KHDC1: variants seen among roughly 807,000 people sequenced by gnomAD.
The protein encoded by KHDC1 is KH domain containing 1.
KHDC1 carries 21 observed loss-of-function variants against 24.7 expected under a neutral mutation model. The observed-to-expected ratio is 0.85, with a 90% CI of 0.60 to 1.23. The LOEUF (loss-of-function observed/expected upper bound fraction) is 1.23. Among genes scored for constraint, KHDC1 ranks in the 50% most tolerant of loss-of-function variants. KHDC1 has a pLI of 0.00. For missense variants in KHDC1, 274 were observed against 298.5 expected, an observed-to-expected ratio of 0.92 and a Z score of 0.61; for synonymous variants, 98 against 111.7, an observed-to-expected ratio of 0.88 and a Z score of 0.77.
At position 73,255,782 on chromosome 6, in the gene KHDC1, A is replaced by C. The variant is rs116920001; in HGVS notation, c.207-13252T>G. Reference sequence around the variant, plus strand: ...CTGGGCACGGTGGCGGGCACCTTTCATCCCAGCTACTCACGAGGCTGAGAC... The same window carrying C: ...CTGGGCACGGTGGCGGGCACCTTTCCTCCCAGCTACTCACGAGGCTGAGAC... On this transcript the variant is annotated intron_variant, in intron 2 of 4. Coordinates refer to ENST00000370384, the Ensembl canonical transcript of KHDC1. Among the ~76,000 whole-genome samples, 11 of 151,420 alleles carry C rather than the reference A, an allele frequency of 7.3e-5. No individual in the cohort carries two copies. In the East Asian group the frequency reaches 2.0e-3, roughly 27 times the overall value.
At chr6:73,264,844 G>A (rs1039433786) in intron 2 of KHDC1, among the ~76,000 whole-genome samples, 16 of 152,228 alleles carry the variant, frequency 1.1e-4, no homozygotes, top group Non-Finnish European at 1.2e-4. Flanking sequence ...TAATGACCTC[G>A]AAGGCCAGTG....
intron 2 of KHDC1, among the ~76,000 whole-genome samples, chr6:73,250,245 T>A (rs180758676): frequency 6.6e-6 from 1 of 152,282 alleles, no homozygotes; most frequent in African/African-American, 2.4e-5. Flanking sequence ...AACATCAATT[T>A]AATTCCAGGT....
intron 1 of KHDC1, chr6:73,292,369 A>T: frequency 1.2e-6 from 1 of 800,724 alleles, no homozygotes; most frequent in Admixed American, 1.7e-5. Context: ...CATATGCAAA[A>T]TTCCAGTATG....
intron 2 of KHDC1, among the ~76,000 whole-genome samples, chr6:73,266,767 C>T (rs571804623): frequency 6.6e-6 from 1 of 152,180 alleles, no homozygotes; most frequent in African/African-American, 2.4e-5. Context: ...TGGATTTCAT[C>T]AAAATTATAA....
chr6:73,308,221 C>T (rs981814350), intron 1 of KHDC1, among the ~76,000 whole-genome samples: 22 of 151,452 alleles, frequency 1.5e-4, no homozygotes, highest in Admixed American at 9.2e-4. Flanking sequence ...ACTACAGGTG[C>T]CTGCCACCAC....
At chr6:73,248,278 C>T (rs1405212743) in intron 2 of KHDC1, among the ~76,000 whole-genome samples, 5 of 152,062 alleles carry the variant, frequency 3.3e-5, no homozygotes, top group Non-Finnish European at 5.9e-5. Flanking sequence ...AGATTGAGAG[C>T]GTGGAGCATC....
intron 1 of KHDC1, among the ~76,000 whole-genome samples, chr6:73,301,632 T>A (rs1004080965): frequency 1.4e-4 from 21 of 152,130 alleles, no homozygotes; most frequent in African/African-American, 3.9e-4. Context: ...TAGGGTTTTT[T>A]AAATTTTTTT....
chr6:73,279,827 C>T (rs1393103562), intron 2 of KHDC1, among the ~76,000 whole-genome samples: 2 of 152,236 alleles, frequency 1.3e-5, no homozygotes, highest in East Asian at 1.9e-4. Flanking sequence ...CCACTCACCT[C>T]GGCCTCCCAA....
intron 2 of KHDC1, among the ~76,000 whole-genome samples, chr6:73,285,479 C>T (rs1767501924): frequency 6.6e-6 from 1 of 151,918 alleles, no homozygotes; most frequent in Admixed American, 6.6e-5. Flanking sequence ...TTACAGGCAC[C>T]TGCCACCATG....
intron 1 of KHDC1, among the ~76,000 whole-genome samples, chr6:73,295,644 G>A (rs1026715153): frequency 1.4e-4 from 21 of 149,284 alleles, no homozygotes; most frequent in Admixed American, 3.3e-4. Context: ...TCAGGAGTTC[G>A]ACACCCGCCT....
intron 2 of KHDC1, among the ~76,000 whole-genome samples, chr6:73,289,087 G>A (rs995075027): frequency 1.3e-4 from 19 of 151,618 alleles, no homozygotes; most frequent in African/African-American, 4.6e-4. Context: ...TAATATCAGC[G>A]CTTTGGGAGG....
At chr6:73,272,095 T>C (rs1014408126) in intron 2 of KHDC1, among the ~76,000 whole-genome samples, 1 of 151,792 alleles carries the variant, frequency 6.6e-6, no homozygotes, top group African/African-American at 2.4e-5. Context: ...ACAATTTGTC[T>C]CTAAAGGTCC....
At chr6:73,276,433 A>ACCAAGATCATG (rs1433541697) in intron 2 of KHDC1, 1 of 151,968 alleles carries the variant, frequency 6.6e-6, no homozygotes, top group African/African-American at 2.4e-5. Context: ...GTTGCAGTGA[A>ACCAAGATCATG]CCAAGATCAT....
chr6:73,243,026 G>A (rs1766602908), intron 2 of KHDC1, among the ~76,000 whole-genome samples: 1 of 152,094 alleles, frequency 6.6e-6, no homozygotes, highest in African/African-American at 2.4e-5. Flanking sequence ...GAATGTTGTA[G>A]GGAGCCAATC....
intron 2 of KHDC1, among the ~76,000 whole-genome samples, chr6:73,272,010 A>G (rs1767188464): frequency 6.6e-6 from 1 of 151,482 alleles, no homozygotes; most frequent in Admixed American, 6.6e-5. Context: ...CCATTTAAAA[A>G]AAAAGGTTAC....
rs571273887 is a variant in KHDC1 at position 73,298,529 on chromosome 6, G to A, written c.164-6489C>T. ...TGGCTCACAGCAACCTCCGCCTCCC[G>A]GGTTCAAGCAATTCTCCTGCCTCAG... On this transcript the variant is annotated intron_variant, in intron 1 of 4. Coordinates refer to ENST00000370384, the Ensembl canonical transcript of KHDC1. Among the ~76,000 whole-genome samples the A allele has an allele frequency of 3.3e-4, 45 of 135,154 alleles. No homozygotes were observed. In the East Asian group the frequency reaches 8.4e-3, roughly 25 times the overall value. The allele number at this position is 135,154 out of a possible 152,430, so 88.7% of individuals were successfully genotyped here. A position where few individuals can be genotyped will look rare whatever the true frequency, so the allele number is the denominator to read the frequency against.
At chr6:73,297,332 CTAAAATATAG>C (rs1226778590) in intron 1 of KHDC1, among the ~76,000 whole-genome samples, 1 of 152,090 alleles carries the variant, frequency 6.6e-6, no homozygotes, top group Non-Finnish European at 1.5e-5. Context: ...TTTTCTCCCA[CTAAAATATAG>C]ATTTCATGAT....
intron 2 of KHDC1, 133 bp downstream of exon 1, chr6:73,262,641 T>C (rs1767001295): frequency 1.4e-6 from 1 of 692,460 alleles, no homozygotes; most frequent in South Asian, 6.4e-5. Flanking sequence ...CGATCTGTTT[T>C]AATTTTTCTC....
At position 73,244,494 on chromosome 6, in the gene KHDC1, C is replaced by G. The variant is rs528952335; in HGVS notation, c.207-1964G>C. ...AAAAATTAATACTGTCAGGAAAATT[C>G]AAATTCCAGAAGAAACCTGTAGAAG... On this transcript the variant is annotated intron_variant, in intron 2 of 4. Transcript: ENST00000370384. Among the ~76,000 whole-genome samples, 35 of 152,110 alleles carry G rather than the reference C, an allele frequency of 2.3e-4. No homozygotes were observed. The East Asian group carries it at 6.2e-3, about 27-fold the overall frequency.
Sources: gnomAD v4.1 joint callset for allele counts (sites outside exome capture counted in the v4.1 genomes callset) on GRCh38, gnomAD v4.1.1 for gene constraint, MANE v1.5 for transcripts, NCBI Gene and HGNC (gene_info 2026-07-23, HGNC 2026-07-21) for gene names.